SP100: variants seen among roughly 807,000 people sequenced by gnomAD.
SP100 encodes the protein nuclear autoantigen Sp-100.
Under a neutral mutation model 130.0 loss-of-function variants are expected in SP100, and 84 were observed. That is an observed-to-expected ratio of 0.65 (90% CI 0.54 to 0.77). SP100 has a LOEUF of 0.77. Ranked by LOEUF, SP100 falls within the 30% of genes least tolerant of loss-of-function variation. The pLI, the probability that SP100 is intolerant of heterozygous loss-of-function variation, is 0.00. For missense variants in SP100, 978 were observed against 1,052.2 expected (o/e 0.93, Z 0.97); for synonymous variants, 331 against 351.7 (o/e 0.94, Z 0.66).
chr2:230,472,427 C>CAAAAAAAAAAA (rs201703163), intron 15 of SP100, among the ~76,000 whole-genome samples: 7 of 61,320 alleles, frequency 1.1e-4, no homozygotes, highest in Non-Finnish European at 1.6e-4. Flanking sequence ...GACTCCGTCT[C>CAAAAAAAAAAA]AAAAAAAAAA....
chr2:230,450,347 C>A, intron 8 of SP100, 92 bp downstream of exon 8: 1 of 836,416 alleles, frequency 1.2e-6, no homozygotes, highest in Non-Finnish European at 2.0e-6. Context: ...GTTTTACCAT[C>A]GTAACCACTT....
intron 8 of SP100, among the ~76,000 whole-genome samples, chr2:230,457,348 G>A (rs1054287421): frequency 6.6e-6 from 1 of 152,246 alleles, no homozygotes; most frequent in Non-Finnish European, 1.5e-5. Flanking sequence ...CACTCGGTCT[G>A]GTCTGGATCA....
At chr2:230,471,340 T>G (rs181223916) in intron 15 of SP100, among the ~76,000 whole-genome samples, 1 of 152,298 alleles carries the variant, frequency 6.6e-6, no homozygotes, top group Non-Finnish European at 1.5e-5. Context: ...TATTTTTTTG[T>G]CAGTCCGTTT....
At chr2:230,505,570 GA>G (rs1483069375) in intron 21 of SP100, among the ~76,000 whole-genome samples, 1 of 151,568 alleles carries the variant, frequency 6.6e-6, no homozygotes, top group Non-Finnish European at 1.5e-5. Context: ...ATTATTATGA[GA>G]AAAAAATAAA....
rs978270679 is a variant in SP100, at chr2:230,543,431, C to A, written c.*485C>A. Reference sequence around the variant, plus strand: ...ACCCCCTAGTCTCAGCCCAGAAGCTCCTTCTGCTGATAAACAATTTCAGAG... The same window carrying A: ...ACCCCCTAGTCTCAGCCCAGAAGCTACTTCTGCTGATAAACAATTTCAGAG... On this transcript the variant is annotated 3_prime_UTR_variant, in exon 29 of 29. Coordinates refer to ENST00000340126, the MANE Select transcript of SP100 (RefSeq NM_001080391.2). 1 of 152,184 alleles carries A rather than the reference C, an allele frequency of 6.6e-6. No homozygotes were observed. The highest frequency in any genetic ancestry group is 1.5e-5 in the Non-Finnish European group (1 of 68,046). The allele number at this position is 152,184 out of a possible 1,614,324, so 9.4% of individuals were successfully genotyped here. A position where few individuals can be genotyped will look rare whatever the true frequency, so the allele number is the denominator to read the frequency against.
intron 8 of SP100, 46 bp from the exon 9 acceptor site, chr2:230,461,216 G>C: frequency 6.4e-7 from 1 of 1,572,658 alleles, no homozygotes; most frequent in South Asian, 1.1e-5. Context: ...TAGTGAAGGA[G>C]GTTCACTGGG....
In SP100 at chr2:230,462,495, T is replaced by C. The variant is rs2064709808; in HGVS notation, c.1034T>C (p.Ile345Thr). The change falls in exon 10 of 29, where the codon ATC becomes ACC. Residue 345 changes from isoleucine to threonine, a missense_variant. Physicochemically the swap from Ile to Thr is moderately conservative, Grantham distance 89. Transcript: ENST00000340126. ...TDVDEPLEVF[I>T]SAPRSEPVIN... ...GTTGATGAGCCCTTAGAAGTCTTCA[T>C]CTCAGCACCGAGAAGTGAGCCTGGT... is the stretch of plus-strand genomic sequence containing the variant. 1.2e-6 allele frequency: 2 copies of C among 1,613,634 alleles called. No individual in the cohort carries two copies. The highest frequency in any genetic ancestry group is 2.7e-5 in the African/African-American group (2 of 74,882).
chr2:230,440,621 C>G (rs1200176522), intron 2 of SP100: 4 of 1,316,022 alleles, frequency 3.0e-6, no homozygotes, highest in Non-Finnish European at 9.8e-7. Context: ...GTCATCTCCC[C>G]CAAATTTATC....
At chr2:230,469,842 G>C in intron 14 of SP100, 173 bp from the exon 15 acceptor site, 3 of 1,504,026 alleles carry the variant, frequency 2.0e-6, no homozygotes, top group Non-Finnish European at 2.7e-6. Context: ...AGGGCTCCTG[G>C]AGCAATCTTG....
chr2:230,435,316 G>A (rs1478818536), intron 2 of SP100, among the ~76,000 whole-genome samples: 1 of 152,088 alleles, frequency 6.6e-6, no homozygotes, highest in East Asian at 1.9e-4. Flanking sequence ...CATTTTGGAG[G>A]AGTTATTTGT....
chr2:230,483,461 G>A (rs1376668375), intron 17 of SP100, among the ~76,000 whole-genome samples: 1 of 152,170 alleles, frequency 6.6e-6, no homozygotes, highest in African/African-American at 2.4e-5. Flanking sequence ...TTTCTCAGAG[G>A]TATATAGAAC....
chr2:230,464,942 A>C (rs896411044), intron 11 of SP100, among the ~76,000 whole-genome samples: 3 of 152,096 alleles, frequency 2.0e-5, no homozygotes, highest in African/African-American at 7.2e-5. Flanking sequence ...AAATACAAAA[A>C]TTAGCCAGGC....
At chr2:230,473,563 G>T (rs2065380336) in intron 16 of SP100, 123 bp downstream of exon 16, 2 of 577,462 alleles carry the variant, frequency 3.5e-6, no homozygotes, top group Non-Finnish European at 6.2e-6. Flanking sequence ...TCACCAACAG[G>T]AAGTGGGCCC....
intron 2 of SP100, among the ~76,000 whole-genome samples, chr2:230,420,599 G>C (rs2062740651): frequency 2.0e-5 from 3 of 152,060 alleles, no homozygotes; most frequent in Admixed American, 2.0e-4. Context: ...TCAGGCCTGT[G>C]TATAGGATAT....
At chr2:230,435,040 GC>G (rs2063210448) in intron 2 of SP100, among the ~76,000 whole-genome samples, 1 of 152,192 alleles carries the variant, frequency 6.6e-6, no homozygotes, top group African/African-American at 2.4e-5. Flanking sequence ...AAGTGGATCT[GC>G]ATGGTCAGTC....
At chr2:230,420,977 C>T (rs751641953) in intron 2 of SP100, among the ~76,000 whole-genome samples, 1 of 152,120 alleles carries the variant, frequency 6.6e-6, no homozygotes. Flanking sequence ...TTCCATAACA[C>T]TCCTTTTCAT....
chr2:230,438,658 C>CAT (rs1371982641), intron 2 of SP100, among the ~76,000 whole-genome samples: 1 of 146,086 alleles, frequency 6.8e-6, no homozygotes, highest in Non-Finnish European at 1.5e-5. Flanking sequence ...TACACACACA[C>CAT]ACACACACAC....
At chr2:230,500,584 C>T (rs968787836) in intron 19 of SP100, among the ~76,000 whole-genome samples, 2 of 152,202 alleles carry the variant, frequency 1.3e-5, no homozygotes, top group African/African-American at 2.4e-5. Flanking sequence ...GCTGGATCTC[C>T]AGTTTGACCA....
At chr2:230,512,632 G>T (rs981914973) in intron 24 of SP100, among the ~76,000 whole-genome samples, 23 of 152,084 alleles carry the variant, frequency 1.5e-4, no homozygotes, top group African/African-American at 4.8e-4. Context: ...ACTTTTTGGT[G>T]CCAGGAACCA....
Sources: gnomAD v4.1 joint callset for allele counts (sites outside exome capture counted in the v4.1 genomes callset) on GRCh38, gnomAD v4.1.1 for gene constraint, MANE v1.5 for transcripts, NCBI Gene and HGNC (gene_info 2026-07-23, HGNC 2026-07-21) for gene names.